PGRMC1: variants seen among roughly 807,000 people sequenced by gnomAD.
The protein encoded by PGRMC1 is membrane-associated progesterone receptor component 1.
For missense variants in PGRMC1, 145 were observed against 169.0 expected, an observed-to-expected ratio of 0.86 and a Z score of 0.79; for synonymous variants, 73 against 77.3, an observed-to-expected ratio of 0.94 and a Z score of 0.29.
chrX:119,243,227 A>AGAT lies in PGRMC1; in HGVS notation c.564_566dup (p.Asp188dup), dbSNP rs768045616. 19 of 1,192,526 alleles carry AGAT rather than the reference A, an allele frequency of 1.6e-5. No individual in the cohort carries two copies. The highest frequency in any genetic ancestry group is 1.1e-6 in the Non-Finnish European group (1 of 878,663). On this transcript the variant is annotated inframe_insertion, in exon 3 of 3. Transcript: ENST00000217971. ...TGTACTCAGATGAGGAAGAACCAAA[A>AGAT]GATGAGAGTGCCCGGAAAAATGATT...
intron 1 of PGRMC1, 73 bp from the exon 2 acceptor site, chrX:119,240,236 C>T: frequency 9.7e-7 from 1 of 1,032,295 alleles, no homozygotes; most frequent in Non-Finnish European, 1.4e-6. Flanking sequence ...AATAGGGAAG[C>T]CATTTTCTGT....
At chrX:119,238,773 C>T (rs910273338) in intron 1 of PGRMC1, among the ~76,000 whole-genome samples, 1 of 111,960 alleles carries the variant, frequency 8.9e-6, no homozygotes, top group Non-Finnish European at 1.9e-5. Context: ...CCCATGACTA[C>T]GTGACATCTT....
At chrX:119,240,815 G>A (rs1033244530) in intron 2 of PGRMC1, among the ~76,000 whole-genome samples, 2 of 111,896 alleles carry the variant, frequency 1.8e-5, no homozygotes, top group African/African-American at 6.5e-5. Context: ...GCCCTCTCTT[G>A]TAGAGCTTGC....
intron 2 of PGRMC1, among the ~76,000 whole-genome samples, chrX:119,241,840 A>G (rs1235474497): frequency 8.9e-6 from 1 of 111,929 alleles, no homozygotes; most frequent in Non-Finnish European, 1.9e-5. Context: ...CATTCAGATG[A>G]TCGACCCTGC....
chrX:119,239,591 T>C (rs891908090), intron 1 of PGRMC1, among the ~76,000 whole-genome samples: 1 of 112,398 alleles, frequency 8.9e-6, no homozygotes, highest in African/African-American at 3.2e-5. Context: ...TATAGAGTTG[T>C]TTTATAGAGT....
intron 2 of PGRMC1, 96 bp downstream of exon 2, chrX:119,240,560 G>A: frequency 1.4e-6 from 1 of 738,056 alleles, no homozygotes; most frequent in Non-Finnish European, 2.1e-6. Context: ...TGAAACTTGG[G>A]TGCATTTTGA....
Position 119,243,091 on chromosome X carries a change from T to C in PGRMC1, c.485-60T>C. 9.9e-6 allele frequency: 7 copies of C among 709,325 alleles called. No individual in the cohort carries two copies. In the South Asian group the frequency reaches 1.3e-4, roughly 13 times the overall value. The allele number at this position is 709,325 out of a possible 1,213,427, so 58.5% of individuals were successfully genotyped here. ...CTAATAAATGCTTTAAATTGAAACG[T>C]GGTAATGATGTTTTAGAAAGAATGA... On this transcript the variant is annotated intron_variant, in intron 2 of 2. Transcript: ENST00000217971.
intron 1 of PGRMC1, among the ~76,000 whole-genome samples, chrX:119,239,428 G>A (rs924550642): frequency 2.7e-5 from 3 of 111,782 alleles, no homozygotes; most frequent in Non-Finnish European, 3.8e-5. Context: ...ATCTGCCTTG[G>A]GGGAAACAAC....
intron 1 of PGRMC1, among the ~76,000 whole-genome samples, chrX:119,238,930 C>T (rs1930757763): frequency 8.9e-6 from 1 of 112,502 alleles, no homozygotes; most frequent in African/African-American, 3.2e-5. Context: ...AGCTTACGTT[C>T]TAGTGAATAT....
At chrX:119,239,959 A>G (rs1247497801) in intron 1 of PGRMC1, among the ~76,000 whole-genome samples, 1 of 112,210 alleles carries the variant, frequency 8.9e-6, no homozygotes, top group Non-Finnish European at 1.9e-5. Flanking sequence ...CCAAGTGCCT[A>G]GAACTGTCAG....
rs1158969668 is a variant in PGRMC1 at position 119,240,372 on chromosome X, A to G, written c.392A>G (p.Asp131Gly). The G allele has an allele frequency of 7.4e-6, 9 of 1,209,039 alleles. No individual in the cohort carries two copies. The highest frequency in any genetic ancestry group is 1.0e-5 in the Non-Finnish European group (9 of 893,032). ...ASRGLATFCLDKEALKDEYDD... is the reference protein window; with the variant it reads ...ASRGLATFCLGKEALKDEYDD... ...AGGGGCCTTGCCACATTTTGCCTGG[A>G]TAAGGAAGCACTGAAGGATGAGTAC... Residue 131 changes from aspartate to glycine, a missense_variant, in exon 2 of 3, where the codon GAT (aspartate) becomes GGT (glycine). By Grantham distance (94) the Asp-to-Gly change is moderately conservative. Coordinates refer to ENST00000217971, the MANE Select transcript of PGRMC1 (RefSeq NM_006667.5).
In PGRMC1 at chrX:119,236,540, C is replaced by A. The variant is rs756569905; in HGVS notation, c.177C>A (p.Asp59Glu). The A allele has an allele frequency of 5.8e-6, 7 of 1,206,741 alleles. No homozygotes were observed. The Admixed American group carries it at 1.3e-4, about 23-fold the overall frequency. Residue 59 changes from aspartate (D) to glutamate (E), a missense_variant, in exon 1 of 3, where the codon GAC (aspartate) becomes GAA (glutamate). Coordinates refer to ENST00000217971, the MANE Select transcript of PGRMC1 (RefSeq NM_006667.5). ...DQPAASGDSD[D>E]DEPPPLPRLK... ...CGGCGGCCAGCGGCGACAGCGACGA[C>A]GACGAGCCGCCCCCTCTGCCCCGCC...
rs11546862 is a variant in PGRMC1 at position 119,243,645 on chromosome X, C to T, written c.*391C>T. The T allele has an allele frequency of 0.05, 8,799 of 177,464 alleles. 207 individuals carry two copies. The highest frequency in any genetic ancestry group is 0.084 in the African/African-American group (2,714 of 32,402). The allele number at this position is 177,464 out of a possible 1,213,427, so 14.6% of individuals were successfully genotyped here. A position where few individuals can be genotyped will look rare whatever the true frequency, so the allele number is the denominator to read the frequency against. On this transcript the variant is annotated 3_prime_UTR_variant, in exon 3 of 3. Coordinates refer to ENST00000217971, the MANE Select transcript of PGRMC1 (RefSeq NM_006667.5). ...TAGTCATGATGTTCTGTAAAGACAACAAATCCCTTTTTTTTTCTCAATTGA... is the reference window on the plus strand; with the variant it reads ...TAGTCATGATGTTCTGTAAAGACAATAAATCCCTTTTTTTTTCTCAATTGA...
chrX:119,236,354 T>G lies in PGRMC1; in HGVS notation c.-10T>G, dbSNP rs750829543. ...CTGCCTAGCGCGGCCCAACCTTTAC[T>G]CCAGAGATCATGGCTGCCGAGGATG... is the stretch of plus-strand genomic sequence containing the variant. On this transcript the variant is annotated 5_prime_UTR_variant, in exon 1 of 3. Transcript: ENST00000217971. 5 of 1,203,307 alleles carry G rather than the reference T, an allele frequency of 4.2e-6. No homozygotes were observed. In the African/African-American group the frequency reaches 5.3e-5, roughly 13 times the overall value.
intron 2 of PGRMC1, among the ~76,000 whole-genome samples, chrX:119,242,285 C>T (rs189757347): frequency 3.6e-5 from 4 of 109,876 alleles, no homozygotes; most frequent in South Asian, 4.0e-4. Flanking sequence ...TGTGAGCCTC[C>T]AGAATGGCTC....
chrX:119,239,556 TATA>T (rs1930770920), intron 1 of PGRMC1, among the ~76,000 whole-genome samples: 1 of 112,680 alleles, frequency 8.9e-6, no homozygotes, highest in Non-Finnish European at 1.9e-5. Context: ...AAAAGTTCAG[TATA>T]ATATCACAAA....
rs971608457 is a variant in PGRMC1, at chrX:119,243,544, G to A, written c.*290G>A. On this transcript the variant is annotated 3_prime_UTR_variant, in exon 3 of 3. Coordinates refer to ENST00000217971, the MANE Select transcript of PGRMC1 (RefSeq NM_006667.5). ...ATGAATTTAAATGTGTTTTTCCTGA[G>A]AGACAAGGAAGACTTGGGTATTTCC... The A allele has an allele frequency of 7.1e-6, 2 of 283,518 alleles. No individual in the cohort carries two copies. Among genetic ancestry groups the A allele is most frequent in the Non-Finnish European group, 1.2e-5 (2 of 160,487 alleles). 23.4% of individuals were successfully genotyped at this position (283,518 alleles called of 1,213,427 possible). A position where few individuals can be genotyped will look rare whatever the true frequency, so the allele number is the denominator to read the frequency against.
At chrX:119,236,712 GC>G in intron 1 of PGRMC1, 21 bp downstream of exon 1, 1 of 1,140,226 alleles carries the variant, frequency 8.8e-7, no homozygotes, top group Middle Eastern at 2.6e-4. Flanking sequence ...GGCGAGGGGG[GC>G]TTGGAGACAA....
chrX:119,240,575 C>T (rs955735000), intron 2 of PGRMC1, 111 bp downstream of exon 2: 3 of 605,830 alleles, frequency 5.0e-6, no homozygotes, highest in Non-Finnish European at 8.2e-6. Flanking sequence ...TTTTGATAGG[C>T]TCCTTAATCT....
Sources: allele counts gnomAD v4.1 joint callset (sites outside exome capture counted in the v4.1 genomes callset), GRCh38; gene constraint gnomAD v4.1.1; transcripts MANE v1.5; gene names NCBI Gene and HGNC (gene_info 2026-07-23, HGNC 2026-07-21).